Variants in PCSK2 observed in about 807,000 individuals in gnomAD.
PCSK2 encodes the protein proprotein convertase subtilisin/kexin type 2.
In PCSK2, 14 loss-of-function variants were observed where a neutral mutation model predicts 69.7. The ratio of observed to expected loss-of-function variants is 0.20; its 90% confidence interval spans 0.13 to 0.31. The LOEUF (loss-of-function observed/expected upper bound fraction) is 0.31, where lower values mean the gene tolerates loss of function less well. PCSK2 is among the 10% of genes least tolerant of loss of function. The pLI, the probability that PCSK2 is intolerant of heterozygous loss-of-function variation, is 1.00. For synonymous variants in PCSK2, 307 were observed against 320.7 expected, an observed-to-expected ratio of 0.96 and a Z score of 0.46; for missense variants, 544 against 842.5, an observed-to-expected ratio of 0.65 and a Z score of 4.39.
chr20:17,436,947 A>G, intron 8 of PCSK2, 64 bp downstream of exon 8: 1 of 1,384,738 alleles, frequency 7.2e-7, no homozygotes, highest in Non-Finnish European at 9.8e-7. Flanking sequence ...GTGGAGGGGT[A>G]GATGCAACTG....
chr20:17,445,162 A>T (rs2032674016), intron 8 of PCSK2, among the ~76,000 whole-genome samples: 1 of 152,198 alleles, frequency 6.6e-6, no homozygotes, highest in Non-Finnish European at 1.5e-5. Flanking sequence ...GCCCTTGCAA[A>T]GAGGGAGCTA....
At chr20:17,421,806 GTAAAAA>G (rs2034978157) in intron 6 of PCSK2, among the ~76,000 whole-genome samples, 1 of 23,536 alleles carries the variant, frequency 4.2e-5, no homozygotes, top group Non-Finnish European at 7.0e-5. Context: ...AGGAAGAGAG[GTAAAAA>G]AAAAAAAAAA....
At chr20:17,346,066 C>A (rs974522386) in intron 2 of PCSK2, among the ~76,000 whole-genome samples, 12 of 152,280 alleles carry the variant, frequency 7.9e-5, no homozygotes, top group African/African-American at 2.9e-4. Context: ...TTAATGAGGC[C>A]CCCCTCCGGC....
chr20:17,480,622 C>T (rs1455541010), intron 11 of PCSK2, among the ~76,000 whole-genome samples: 2 of 152,280 alleles, frequency 1.3e-5, no homozygotes, highest in East Asian at 3.9e-4. Context: ...CAACCTGAGA[C>T]AAGACTTGGG....
At chr20:17,321,747 A>T (rs1177502096) in intron 2 of PCSK2, among the ~76,000 whole-genome samples, 2 of 152,168 alleles carry the variant, frequency 1.3e-5, no homozygotes, top group Non-Finnish European at 2.9e-5. Flanking sequence ...CACATGAAAA[A>T]ACCTTTGACT....
At chr20:17,455,174 T>A (rs1195116924) in intron 9 of PCSK2, among the ~76,000 whole-genome samples, 2 of 152,080 alleles carry the variant, frequency 1.3e-5, no homozygotes, top group African/African-American at 4.8e-5. Context: ...TCGACCCGTA[T>A]TTATGACTCT....
chr20:17,464,001 G>GA (rs2033057138), intron 10 of PCSK2: 1 of 152,058 alleles, frequency 6.6e-6, no homozygotes, highest in African/African-American at 2.4e-5. Flanking sequence ...AGTATTTCAT[G>GA]AAAAAATAGC....
intron 4 of PCSK2, among the ~76,000 whole-genome samples, chr20:17,367,643 T>C (rs1436106423): frequency 6.6e-6 from 1 of 152,180 alleles, no homozygotes; most frequent in African/African-American, 2.4e-5. Flanking sequence ...TCTTGCTGTG[T>C]CTCCCAGGTT....
chr20:17,323,932 C>G (rs1259377948), intron 2 of PCSK2, among the ~76,000 whole-genome samples: 2 of 152,228 alleles, frequency 1.3e-5, no homozygotes, highest in African/African-American at 4.8e-5. Context: ...CCACTTGGCC[C>G]TGGTTCAGGG....
At chr20:17,240,042 C>T (rs978784030) in intron 1 of PCSK2, among the ~76,000 whole-genome samples, 6 of 151,480 alleles carry the variant, frequency 4.0e-5, no homozygotes, top group Admixed American at 1.3e-4. Context: ...TTAGTAGAGA[C>T]GGGGTTTTAC....
intron 2 of PCSK2, among the ~76,000 whole-genome samples, chr20:17,319,186 C>T (rs1003302826): frequency 2.0e-5 from 3 of 152,018 alleles, no homozygotes; most frequent in Non-Finnish European, 2.9e-5. Context: ...AGCTACGCCC[C>T]GATAAGATAA....
rs968657082 is a variant in PCSK2, at chr20:17,447,962, C to T, written c.886-5780C>T. On this transcript the variant is annotated intron_variant, in intron 8 of 11. Transcript: ENST00000262545. Reference sequence around the variant, plus strand: ...TTTATATGTAAAATTGGCAAGAATCCACAAAATATCACCAGTGATTATCTA... The same window carrying T: ...TTTATATGTAAAATTGGCAAGAATCTACAAAATATCACCAGTGATTATCTA... 2.6e-5 allele frequency among the ~76,000 whole-genome samples: 4 copies of T among 152,204 alleles called. No individual in the cohort carries two copies. In the East Asian group the frequency reaches 7.7e-4, roughly 29 times the overall value.
At chr20:17,260,171 C>T (rs1043216920) in intron 1 of PCSK2, 69 bp from the exon 2 acceptor site, 66 of 955,004 alleles carry the variant, frequency 6.9e-5, no homozygotes, top group Middle Eastern at 2.1e-4. Flanking sequence ...GCAGCCCCAG[C>T]TTTGGTGTCC....
intron 6 of PCSK2, among the ~76,000 whole-genome samples, chr20:17,423,713 A>G (rs1460520495): frequency 6.6e-6 from 1 of 152,240 alleles, no homozygotes; most frequent in African/African-American, 2.4e-5. Flanking sequence ...AGCAAATTTT[A>G]TGGAAAAAAA....
At chr20:17,358,190 T>C in intron 2 of PCSK2, 137 bp from the exon 3 acceptor site, 1 of 613,790 alleles carries the variant, frequency 1.6e-6, no homozygotes. Context: ...GGTGAGCATG[T>C]ATATGAGATG....
At chr20:17,416,711 A>C (rs1168931991) in intron 6 of PCSK2, among the ~76,000 whole-genome samples, 1 of 152,234 alleles carries the variant, frequency 6.6e-6, no homozygotes, top group Non-Finnish European at 1.5e-5. Flanking sequence ...TACTATAAAA[A>C]CACATGCACA....
At chr20:17,255,875 A>G (rs1987159169) in intron 1 of PCSK2, among the ~76,000 whole-genome samples, 4 of 151,992 alleles carry the variant, frequency 2.6e-5, no homozygotes. Context: ...TATTTTGATG[A>G]GCATTTTTTT....
At chr20:17,375,440 A>G (rs912728806) in intron 5 of PCSK2, among the ~76,000 whole-genome samples, 2 of 152,228 alleles carry the variant, frequency 1.3e-5, no homozygotes, top group East Asian at 3.8e-4. Context: ...GCTCGTGGCC[A>G]GGGATGTAAT....
chr20:17,416,431 T>C (rs1366922824), intron 6 of PCSK2, among the ~76,000 whole-genome samples: 1 of 152,242 alleles, frequency 6.6e-6, no homozygotes, highest in Non-Finnish European at 1.5e-5. Flanking sequence ...ATGCTCATCA[T>C]CATTGGTCAT....
Sources: allele counts gnomAD v4.1 joint callset (sites outside exome capture counted in the v4.1 genomes callset), GRCh38; gene constraint gnomAD v4.1.1; transcripts MANE v1.5; gene names NCBI Gene and HGNC (gene_info 2026-07-23, HGNC 2026-07-21).